The following PDZD2 variants were observed in gnomAD, a reference collection of about 807,000 sequenced individuals.
PDZD2 encodes PDZ domain containing 2.
Under a neutral mutation model 220.7 loss-of-function variants are expected in PDZD2, and 90 were observed. The ratio of observed to expected loss-of-function variants is 0.41; its 90% CI spans 0.34 to 0.49. The LOEUF (loss-of-function observed/expected upper bound fraction) is 0.49, where lower values mean the gene tolerates loss of function less well. Ranked by LOEUF, PDZD2 falls within the 20% of genes least tolerant of loss-of-function variation. PDZD2 has a pLI of 0.28. For missense variants in PDZD2, 3,174 were observed against 3,608.5 expected, an observed-to-expected ratio of 0.88 and a Z score of 3.08; for synonymous variants, 1,375 against 1,450.5, an observed-to-expected ratio of 0.95 and a Z score of 1.18.
At chr5:31,982,341 T>C (rs1223745099) in intron 2 of PDZD2, among the ~76,000 whole-genome samples, 1 of 152,232 alleles carries the variant, frequency 6.6e-6, no homozygotes, top group African/African-American at 2.4e-5. Context: ...AGGGTCTCAC[T>C]CTGTCACCCA....
intron 1 of PDZD2, among the ~76,000 whole-genome samples, chr5:31,663,441 C>T (rs116055334): frequency 0.022 from 3,353 of 152,142 alleles, 71 homozygotes; most frequent in Middle Eastern, 0.078. Context: ...TATAGAACTA[C>T]TTTTAAACAG....
chr5:31,821,151 C>A (rs956058257), intron 2 of PDZD2, among the ~76,000 whole-genome samples: 2 of 151,908 alleles, frequency 1.3e-5, no homozygotes, highest in African/African-American at 4.8e-5. Context: ...TTATAATCAT[C>A]TTTTCACTTC....
At chr5:32,096,408 G>C (rs987116888) in intron 21 of PDZD2, among the ~76,000 whole-genome samples, 1 of 151,806 alleles carries the variant, frequency 6.6e-6, no homozygotes, top group African/African-American at 2.4e-5. Flanking sequence ...ACCTCTGCCC[G>C]CTGGGTTCAA....
intron 1 of PDZD2, among the ~76,000 whole-genome samples, chr5:31,666,520 T>C (rs561241091): frequency 2.0e-4 from 31 of 152,260 alleles, no homozygotes; most frequent in Non-Finnish European, 3.8e-4. Flanking sequence ...TACAAGGCGA[T>C]GGTTGCTTCT....
chr5:32,002,432 G>A (rs150508621), intron 5 of PDZD2, among the ~76,000 whole-genome samples: 14 of 152,180 alleles, frequency 9.2e-5, no homozygotes, highest in Admixed American at 3.3e-4. Context: ...CCGGAAATGG[G>A]GCGGCAGAAC....
intron 2 of PDZD2, among the ~76,000 whole-genome samples, chr5:31,894,058 C>CTT (rs35969573): frequency 7.7e-4 from 54 of 69,778 alleles, no homozygotes; most frequent in Non-Finnish European, 1.0e-3. Flanking sequence ...CCACGCCCAG[C>CTT]TTTTTTTTTT....
Position 32,108,208 on chromosome 5 carries a change from T to A in PDZD2, c.*73T>A. On this transcript the variant is annotated 3_prime_UTR_variant, in exon 25 of 25. Coordinates refer to ENST00000438447, the MANE Select transcript of PDZD2 (RefSeq NM_178140.4). ...CAGAGTGACTTCTTTAAACCACAGGTTGTTGAAATGGCCAACACTGGTACA... is the reference window on the plus strand; with the variant it reads ...CAGAGTGACTTCTTTAAACCACAGGATGTTGAAATGGCCAACACTGGTACA... 9.4e-7 allele frequency: 1 copy of A among 1,061,254 alleles called. No homozygotes were observed. Among genetic ancestry groups the A allele is most frequent in the Non-Finnish European group, 1.4e-6 (1 of 725,514 alleles). The allele number at this position is 1,061,254 out of a possible 1,614,324, so 65.7% of individuals were successfully genotyped here.
At chr5:31,993,899 G>A (rs545610534) in intron 3 of PDZD2, among the ~76,000 whole-genome samples, 230 of 152,342 alleles carry the variant, frequency 1.5e-3, no homozygotes, top group Middle Eastern at 3.4e-3. Context: ...GTGAGCATAT[G>A]TGTGTGTCCT....
At chr5:32,050,540 A>T (rs1217554981) in intron 8 of PDZD2, among the ~76,000 whole-genome samples, 2 of 152,054 alleles carry the variant, frequency 1.3e-5, no homozygotes, top group African/African-American at 4.8e-5. Context: ...ATAAAGTATT[A>T]TCTACAACCA....
At chr5:31,816,695 C>T (rs938176392) in intron 2 of PDZD2, among the ~76,000 whole-genome samples, 1 of 152,094 alleles carries the variant, frequency 6.6e-6, no homozygotes, top group Non-Finnish European at 1.5e-5. Context: ...ATTAAAAGTA[C>T]AGTAGCTTCA....
At chr5:31,993,311 C>A (rs1751374526) in intron 3 of PDZD2, among the ~76,000 whole-genome samples, 1 of 152,202 alleles carries the variant, frequency 6.6e-6, no homozygotes, top group African/African-American at 2.4e-5. Flanking sequence ...TGACTGTGGT[C>A]AGGGGATGGA....
At chr5:31,798,343 C>T (rs374993869) in intron 1 of PDZD2, among the ~76,000 whole-genome samples, 10 of 152,210 alleles carry the variant, frequency 6.6e-5, no homozygotes, top group East Asian at 1.9e-4. Flanking sequence ...TACAGGATGG[C>T]GAAGTTTAGG....
intron 1 of PDZD2, among the ~76,000 whole-genome samples, chr5:31,659,823 T>C (rs1262248228): frequency 6.6e-6 from 1 of 152,224 alleles, no homozygotes; most frequent in Non-Finnish European, 1.5e-5. Flanking sequence ...TTCCTTTTCC[T>C]GCGGCAGAGG....
At chr5:31,792,949 C>T (rs1753806581) in intron 1 of PDZD2, among the ~76,000 whole-genome samples, 1 of 151,962 alleles carries the variant, frequency 6.6e-6, no homozygotes, top group Admixed American at 6.6e-5. Context: ...AGCAATTCTC[C>T]TGCCTCAGCC....
chr5:31,708,285 G>T (rs1747921958), intron 1 of PDZD2, among the ~76,000 whole-genome samples: 1 of 152,182 alleles, frequency 6.6e-6, no homozygotes, highest in Non-Finnish European at 1.5e-5. Flanking sequence ...ATAGATGGTG[G>T]GGGGACAGCA....
At chr5:31,810,228 G>A (rs1755010919) in intron 2 of PDZD2, among the ~76,000 whole-genome samples, 1 of 140,598 alleles carries the variant, frequency 7.1e-6, no homozygotes, top group African/African-American at 2.6e-5. Context: ...AGCACCATAT[G>A]CCCTCAAAAT....
intron 6 of PDZD2, among the ~76,000 whole-genome samples, chr5:32,036,715 A>G (rs1755584553): frequency 6.6e-6 from 1 of 152,252 alleles, no homozygotes. Flanking sequence ...TTGGTTGACT[A>G]AAATGTATAG....
chr5:31,800,526 A>G (rs189542883), intron 2 of PDZD2, among the ~76,000 whole-genome samples: 1 of 152,306 alleles, frequency 6.6e-6, no homozygotes, highest in Admixed American at 6.5e-5. Flanking sequence ...GTCTTCTACC[A>G]TTAAGTCACA....
chr5:32,010,453 G>A lies in PDZD2; in HGVS notation c.1378G>A (p.Glu460Lys), dbSNP rs917688820. ...CCAGGAGGCAGACGGGGAAGAGGAC[G>A]AAGGAACCAGCTCTTCTGTCCAGAG... ...EDQEADGEEDEGTSSSVQRAM... is the reference protein window; with the variant it reads ...EDQEADGEEDKGTSSSVQRAM... The change falls in exon 6 of 25, where the codon GAA (glutamate) becomes AAA (lysine). Residue 460 changes from glutamate (E) to lysine (K), a missense_variant. Physicochemically the swap from Glu to Lys is moderately conservative, Grantham distance 56 (BLOSUM62 1). Transcript: ENST00000438447. The A allele has an allele frequency of 1.2e-5, 19 of 1,612,340 alleles. No individual in the cohort carries two copies. Among genetic ancestry groups the A allele is most frequent in the African/African-American group, 5.3e-5 (4 of 74,856 alleles).
Sources: gnomAD v4.1 joint callset for allele counts (sites outside exome capture counted in the v4.1 genomes callset) on GRCh38, gnomAD v4.1.1 for gene constraint, MANE v1.5 for transcripts, NCBI Gene and HGNC (gene_info 2026-07-23, HGNC 2026-07-21) for gene names.